Variants in ATG5 observed in about 807,000 individuals in gnomAD.
The protein encoded by ATG5 is autophagy protein 5.
A neutral mutation model predicts 36.5 loss-of-function variants in ATG5; 14 were observed. That is an observed-to-expected ratio of 0.38 (90% CI 0.25 to 0.60). ATG5 has a LOEUF of 0.60. Ranked by LOEUF, ATG5 falls within the 20% of genes least tolerant of loss-of-function variation. The pLI is 0.60. For synonymous variants in ATG5, 95 were observed against 101.5 expected (o/e 0.94, Z 0.38); for missense variants, 195 against 326.7 (o/e 0.60, Z 3.11).
intron 4 of ATG5, among the ~76,000 whole-genome samples, chr6:106,282,601 G>A (rs997427946): frequency 2.0e-5 from 3 of 152,114 alleles, no homozygotes; most frequent in African/African-American, 4.8e-5. Context: ...TAAAACATTC[G>A]ATAAACCATC....
chr6:106,257,753 A>C (rs1201927665), intron 5 of ATG5, among the ~76,000 whole-genome samples: 1 of 152,214 alleles, frequency 6.6e-6, no homozygotes, highest in Admixed American at 6.5e-5. Flanking sequence ...AAATCTACCT[A>C]ATCTGTACAT....
intron 2 of ATG5, among the ~76,000 whole-genome samples, chr6:106,309,739 G>A (rs1427936494): frequency 2.0e-5 from 3 of 152,020 alleles, no homozygotes; most frequent in Admixed American, 6.5e-5. Context: ...ATACAGATGT[G>A]ACATTAAAGT....
chr6:106,295,747 A>T (rs553043643), intron 3 of ATG5, among the ~76,000 whole-genome samples: 86 of 152,080 alleles, frequency 5.7e-4, no homozygotes, highest in African/African-American at 2.0e-3. Context: ...TATTTTTTAT[A>T]GAGATAGTGT....
chr6:106,193,541 T>C, intron 7 of ATG5, among the ~76,000 whole-genome samples: 1 of 152,188 alleles, frequency 6.6e-6, no homozygotes, highest in Non-Finnish European at 1.5e-5. Context: ...GCAAAGTGTA[T>C]TAAATTAAGT....
rs1180844561 is a variant in ATG5, at chr6:106,189,719, CAA to C, written c.692-3045_692-3044del. On this transcript the variant is annotated intron_variant, in intron 7 of 7. Transcript: ENST00000369076. ...AAACACCTGATACTGTTAAAGTAAA[CAA>C]TATTTTTGGTAAACATGTCTTTTTG... Among the ~76,000 whole-genome samples the C allele has an allele frequency of 2.7e-5, 4 of 149,566 alleles. No homozygotes were observed. In the East Asian group the frequency reaches 5.9e-4, roughly 22 times the overall value.
chr6:106,251,469 CCTG>C (rs1778571236), intron 5 of ATG5, among the ~76,000 whole-genome samples: 1 of 149,886 alleles, frequency 6.7e-6, no homozygotes, highest in Non-Finnish European at 1.5e-5. Context: ...TAAAACTTAG[CCTG>C]CTTAACCCAC....
chr6:106,286,581 T>C (rs1399988203), intron 4 of ATG5, among the ~76,000 whole-genome samples: 1 of 152,196 alleles, frequency 6.6e-6, no homozygotes, highest in Non-Finnish European at 1.5e-5. Context: ...CCCCCTTGCA[T>C]GTGGGCAGAA....
chr6:106,324,614 AT>A (rs1235434825), intron 1 of ATG5, among the ~76,000 whole-genome samples: 1 of 152,222 alleles, frequency 6.6e-6, no homozygotes, highest in East Asian at 1.9e-4. Flanking sequence ...AATTAATGAA[AT>A]AAATACACAC....
At chr6:106,315,617 G>C (rs1198521656) in intron 2 of ATG5, among the ~76,000 whole-genome samples, 1 of 151,990 alleles carries the variant, frequency 6.6e-6, no homozygotes. Flanking sequence ...TCGTGTGTGT[G>C]TATGTGTGCA....
chr6:106,269,665 G>C (rs1388934998), intron 5 of ATG5, among the ~76,000 whole-genome samples: 1 of 152,212 alleles, frequency 6.6e-6, no homozygotes, highest in South Asian at 2.1e-4. Flanking sequence ...GCCCCTCATT[G>C]CCCGGGGCCG....
chr6:106,207,996 G>A (rs1776703509), intron 6 of ATG5, among the ~76,000 whole-genome samples: 2 of 152,208 alleles, frequency 1.3e-5, no homozygotes, highest in South Asian at 4.1e-4. Flanking sequence ...GGAGGCTGAG[G>A]CAGGAGAATT....
Position 106,243,160 on chromosome 6 carries a change from A to T in ATG5, c.573+4990T>A, listed in dbSNP as rs544031976. ...TTTTTAGCACATAGAAGTTAAATAG[A>T]TTTGCTTAACCAAAATAGCCAGTAA... On this transcript the variant is annotated intron_variant, in intron 6 of 7. Coordinates refer to ENST00000369076, the MANE Select transcript of ATG5 (RefSeq NM_004849.4). Among the ~76,000 whole-genome samples the T allele has an allele frequency of 3.2e-4, 49 of 152,330 alleles. 1 individual carries two copies. In the South Asian group the frequency reaches 7.9e-3, roughly 25 times the overall value.
chr6:106,319,878 T>C (rs1770998332), intron 1 of ATG5, among the ~76,000 whole-genome samples: 1 of 152,232 alleles, frequency 6.6e-6, no homozygotes, highest in Admixed American at 6.5e-5. Context: ...AGTGTATGAA[T>C]ATAAAACTAC....
intron 6 of ATG5, among the ~76,000 whole-genome samples, chr6:106,240,275 T>A (rs954357913): frequency 6.7e-6 from 1 of 150,240 alleles, no homozygotes; most frequent in Non-Finnish European, 1.5e-5. Context: ...TATACAGTTA[T>A]ATTTTGCAAT....
intron 3 of ATG5, among the ~76,000 whole-genome samples, chr6:106,294,140 T>G (rs1273566410): frequency 6.6e-6 from 1 of 152,172 alleles, no homozygotes; most frequent in Non-Finnish European, 1.5e-5. Flanking sequence ...TTGTGGGATT[T>G]GGGATGCTCA....
chr6:106,295,047 T>TA (rs940296841), intron 3 of ATG5, among the ~76,000 whole-genome samples: 7 of 142,948 alleles, frequency 4.9e-5, no homozygotes, highest in African/African-American at 1.0e-4. Context: ...AACCTAAAAT[T>TA]AAAAAAAAAT....
intron 7 of ATG5, among the ~76,000 whole-genome samples, chr6:106,190,051 G>A (rs1200346580): frequency 1.3e-5 from 2 of 152,012 alleles, no homozygotes; most frequent in Admixed American, 6.6e-5. Flanking sequence ...AAAAAATACT[G>A]ATATACCATG....
At chr6:106,251,139 C>T (rs150321257) in intron 5 of ATG5, among the ~76,000 whole-genome samples, 119 of 152,348 alleles carry the variant, frequency 7.8e-4, no homozygotes, top group Non-Finnish European at 1.5e-3. Context: ...GCTCTGGAGG[C>T]CTGCATGGGC....
intron 1 of ATG5, among the ~76,000 whole-genome samples, chr6:106,318,832 T>G (rs1770959506): frequency 6.6e-6 from 1 of 152,178 alleles, no homozygotes; most frequent in Non-Finnish European, 1.5e-5. Context: ...CTATAATAAA[T>G]TATATAAGAA....
Sources: gnomAD v4.1 joint callset for allele counts (sites outside exome capture counted in the v4.1 genomes callset) on GRCh38, gnomAD v4.1.1 for gene constraint, MANE v1.5 for transcripts, NCBI Gene and HGNC (gene_info 2026-07-23, HGNC 2026-07-21) for gene names.